SLC47A1: variants seen among roughly 807,000 people sequenced by gnomAD.
SLC47A1 encodes solute carrier family 47 member 1.
Under a neutral mutation model 65.8 loss-of-function variants are expected in SLC47A1, and 58 were observed. That is an observed-to-expected ratio of 0.88 (90% CI 0.71 to 1.10). The LOEUF is 1.10. Ranked by LOEUF, SLC47A1 falls within the 50% of genes least tolerant of loss-of-function variation. The pLI is 0.00. For synonymous variants in SLC47A1, 285 were observed against 295.0 expected, an observed-to-expected ratio of 0.97 and a Z score of 0.35; for missense variants, 706 against 719.2, an observed-to-expected ratio of 0.98 and a Z score of 0.21.
At chr17:19,551,804 C>T (rs1337405421) in intron 6 of SLC47A1, among the ~76,000 whole-genome samples, 1 of 152,198 alleles carries the variant, frequency 6.6e-6, no homozygotes, top group African/African-American at 2.4e-5. Context: ...AGGGTGCATG[C>T]CCATTTGCTC....
intron 2 of SLC47A1, among the ~76,000 whole-genome samples, chr17:19,545,483 T>G (rs1435127301): frequency 6.8e-6 from 1 of 147,906 alleles, no homozygotes; most frequent in East Asian, 2.1e-4. Context: ...TGAGCCACTA[T>G]GCTCGGCCAG....
In SLC47A1 at chr17:19,534,043, T is replaced by G; in HGVS notation, c.104T>G (p.Leu35Arg). ...CGGCTGTCCGCCTTCCGAGAAGAGC[T>G]GCGGGCGCTCTTGGTCCTGGCTGGC... ...CLRLSAFREELRALLVLAGPA... is the reference protein window; with the variant it reads ...CLRLSAFREERRALLVLAGPA... Residue 35 changes from leucine to arginine, a missense_variant, in exon 1 of 17, where the codon CTG (leucine) becomes CGG (arginine). Leu to Arg is a moderately radical substitution (Grantham distance 102). Transcript: ENST00000270570. The G allele has an allele frequency of 6.5e-7, 1 of 1,547,594 alleles. No individual in the cohort carries two copies. The highest frequency in any genetic ancestry group is 1.2e-5 in the South Asian group (1 of 82,770).
intron 12 of SLC47A1, 98 bp downstream of exon 12, chr17:19,560,591 C>A: frequency 8.2e-7 from 1 of 1,221,090 alleles, no homozygotes; most frequent in Non-Finnish European, 1.2e-6. Flanking sequence ...AGAAACATTG[C>A]TGTTTGAAAT....
At chr17:19,543,962 A>T (rs1555624758) in intron 2 of SLC47A1, among the ~76,000 whole-genome samples, 2 of 152,050 alleles carry the variant, frequency 1.3e-5, no homozygotes, top group Non-Finnish European at 2.9e-5. Context: ...ATTTTATTTA[A>T]TTATTTATTT....
At position 19,533,886 on chromosome 17, in the gene SLC47A1, T is replaced by A; in HGVS notation, c.-54T>A. 1 of 1,392,298 alleles carries A rather than the reference T, an allele frequency of 7.2e-7. No homozygotes were observed. Among genetic ancestry groups the A allele is most frequent in the South Asian group, 1.5e-5 (1 of 67,606 alleles). 86.2% of individuals were successfully genotyped at this position (1,392,298 alleles called of 1,614,324 possible). ...GCCTGCGCGGTACTCACTGCCGGCC[T>A]CCGCGGTACCCACTGCCGGCCTCCG... is the stretch of plus-strand genomic sequence containing the variant. On this transcript the variant is annotated 5_prime_UTR_variant, in exon 1 of 17. Transcript: ENST00000270570.
Position 19,533,880 on chromosome 17 carries a change from C to T in SLC47A1, c.-60C>T. On this transcript the variant is annotated 5_prime_UTR_variant, in exon 1 of 17. Transcript: ENST00000270570. ...CTGCCGGCCTGCGCGGTACTCACTG[C>T]CGGCCTCCGCGGTACCCACTGCCGG... The T allele has an allele frequency of 7.9e-6, 11 of 1,386,520 alleles. No homozygotes were observed. Among genetic ancestry groups the T allele is most frequent in the Non-Finnish European group, 1.0e-5 (11 of 1,066,862 alleles). The allele number at this position is 1,386,520 out of a possible 1,614,324, so 85.9% of individuals were successfully genotyped here. A position where few individuals can be genotyped will look rare whatever the true frequency, so the allele number is the denominator to read the frequency against.
chr17:19,546,738 C>G (rs1205386330), intron 3 of SLC47A1, among the ~76,000 whole-genome samples: 2 of 152,134 alleles, frequency 1.3e-5, no homozygotes, highest in East Asian at 3.8e-4. Flanking sequence ...AAATAGGGGA[C>G]ATTTTGTAAA....
intron 16 of SLC47A1, among the ~76,000 whole-genome samples, chr17:19,575,464 T>TTA (rs1459279481): frequency 6.6e-6 from 1 of 151,266 alleles, no homozygotes; most frequent in Non-Finnish European, 1.5e-5. Context: ...AGTGGTGCAA[T>TTA]TATAGCTCAC....
intron 1 of SLC47A1, among the ~76,000 whole-genome samples, chr17:19,536,065 G>A (rs1054152270): frequency 6.6e-6 from 1 of 151,910 alleles, no homozygotes; most frequent in Admixed American, 6.6e-5. Flanking sequence ...TTCTGGAGTA[G>A]CGGAGATTAC....
intron 3 of SLC47A1, among the ~76,000 whole-genome samples, chr17:19,547,212 C>A (rs1465932303): frequency 2.0e-5 from 3 of 152,110 alleles, no homozygotes; most frequent in African/African-American, 7.2e-5. Flanking sequence ...CCACTACACC[C>A]AGCTAATTTT....
At chr17:19,577,284 A>G (rs746826182) in intron 16 of SLC47A1, 43 bp from the exon 17 acceptor site, 23 of 1,593,058 alleles carry the variant, frequency 1.4e-5, no homozygotes, top group Non-Finnish European at 2.0e-5. Context: ...AAAAATGAAA[A>G]AAAAAATCCC....
intron 6 of SLC47A1, among the ~76,000 whole-genome samples, chr17:19,553,682 C>G (rs191860410): frequency 2.0e-5 from 3 of 152,146 alleles, no homozygotes; most frequent in African/African-American, 7.2e-5. Flanking sequence ...GCTGGGACTA[C>G]AGGCGCGTGC....
intron 12 of SLC47A1, among the ~76,000 whole-genome samples, chr17:19,563,299 A>T (rs867750451): frequency 6.6e-6 from 1 of 151,550 alleles, no homozygotes; most frequent in Non-Finnish European, 1.5e-5. Flanking sequence ...CGCTCGGCTA[A>T]TTTTTTGTAT....
At chr17:19,534,280 G>A in intron 1 of SLC47A1, 1 of 602,712 alleles carries the variant, frequency 1.7e-6, no homozygotes, top group Non-Finnish European at 2.6e-6. Flanking sequence ...CCACCCGACT[G>A]GGGGCCCCGC....
At chr17:19,551,504 T>C in intron 6 of SLC47A1, 36 bp downstream of exon 6, 1 of 1,586,192 alleles carries the variant, frequency 6.3e-7, no homozygotes, top group Non-Finnish European at 8.7e-7. Flanking sequence ...GGGAGGCTAA[T>C]GGGAGTTTGT....
At position 19,533,894 on chromosome 17, in the gene SLC47A1, AC is replaced by A; in HGVS notation, c.-43del. The A allele has an allele frequency of 6.9e-7, 1 of 1,444,314 alleles. No individual in the cohort carries two copies. Among genetic ancestry groups the A allele is most frequent in the Non-Finnish European group, 9.1e-7 (1 of 1,102,624 alleles). The allele number at this position is 1,444,314 out of a possible 1,614,324, so 89.5% of individuals were successfully genotyped here. On this transcript the variant is annotated 5_prime_UTR_variant, in exon 1 of 17. Transcript: ENST00000270570. ...GGTACTCACTGCCGGCCTCCGCGGT[AC>A]CCACTGCCGGCCTCCGCGCTACCCG... is the stretch of plus-strand genomic sequence containing the variant.
intron 14 of SLC47A1, chr17:19,570,966 T>C (rs2084395367): frequency 6.6e-6 from 1 of 152,390 alleles, no homozygotes; most frequent in Non-Finnish European, 1.5e-5. Context: ...AGCCCTGCTC[T>C]GGAAGCTTCT....
chr17:19,565,207 T>C (rs906232473), intron 12 of SLC47A1, among the ~76,000 whole-genome samples: 4 of 151,616 alleles, frequency 2.6e-5, no homozygotes, highest in South Asian at 4.2e-4. Flanking sequence ...GCTTTAGGGG[T>C]TCCATTTCTA....
intron 1 of SLC47A1, chr17:19,534,987 G>C (rs1484835437): frequency 6.6e-6 from 1 of 152,332 alleles, no homozygotes; most frequent in African/African-American, 2.4e-5. Context: ...ACCTGCGCGG[G>C]CTGAGGGGGG....
Sources: allele counts gnomAD v4.1 joint callset (sites outside exome capture counted in the v4.1 genomes callset), GRCh38; gene constraint gnomAD v4.1.1; transcripts MANE v1.5; gene names NCBI Gene and HGNC (gene_info 2026-07-23, HGNC 2026-07-21).